ZNF568: variants seen among roughly 807,000 people sequenced by gnomAD.
The protein encoded by ZNF568 is p53 inhibitor of SCO2 activation.
A neutral mutation model predicts 18.1 loss-of-function variants in ZNF568; 11 were observed. That is an observed-to-expected ratio of 0.61 (90% CI 0.38 to 1.00). The LOEUF is 1.00. Ranked by LOEUF, ZNF568 falls within the 50% of genes least tolerant of loss-of-function variation. The pLI is 0.01. For synonymous variants in ZNF568, 213 were observed against 246.6 expected (o/e 0.86, Z 1.28); for missense variants, 639 against 768.2 (o/e 0.83, Z 1.99).
chr19:36,934,283 T>G (rs1031110366), intron 4 of ZNF568, among the ~76,000 whole-genome samples: 6 of 151,468 alleles, frequency 4.0e-5, no homozygotes, highest in African/African-American at 1.5e-4. Context: ...TGGATTTAGT[T>G]TGATCATCTT....
exon 5 of ZNF568, chr19:36,996,638 G>C: frequency 6.5e-7 from 1 of 1,535,352 alleles, no homozygotes; most frequent in South Asian, 1.2e-5. Context: ...CCTGAATGTG[G>C]AGAATGTAGG....
At position 36,950,700 on chromosome 19, in the gene ZNF568, A is replaced by G. The variant is rs1457746708; in HGVS notation, c.1547A>G (p.Asn516Ser). 6.2e-7 allele frequency: 1 copy of G among 1,613,838 alleles called. No individual in the cohort carries two copies. The highest frequency in any genetic ancestry group is 2.2e-5 in the East Asian group (1 of 44,852). ...GGAAAAGCCTTTAGTCAGAAATCAA[A>G]CCTCACTGAACATGAGAAAATTCAT... ...VCGKAFSQKS[N>S]LTEHEKIHTG... Residue 516 changes from asparagine (N) to serine (S), a missense_variant, in exon 7 of 7, where the codon AAC (asparagine) becomes AGC (serine). Transcript: ENST00000333987.
At chr19:36,921,631 A>T (rs1301231309) in intron 2 of ZNF568, among the ~76,000 whole-genome samples, 1 of 149,400 alleles carries the variant, frequency 6.7e-6, no homozygotes, top group African/African-American at 2.5e-5. Context: ...TGTTACATAT[A>T]TTTTTTTTTT....
intron 7 of ZNF568, among the ~76,000 whole-genome samples, chr19:36,975,088 A>C (rs1280002283): frequency 1.3e-5 from 2 of 150,930 alleles, no homozygotes; most frequent in Non-Finnish European, 2.9e-5. Context: ...CGGCCTCCCA[A>C]AGTGCTGGGA....
downstream of ZNF568, among the ~76,000 whole-genome samples, chr19:36,955,125 C>CT (rs1392211589): frequency 6.6e-6 from 1 of 151,744 alleles, no homozygotes; most frequent in African/African-American, 2.4e-5. Context: ...GCCTGTAAAC[C>CT]TTTTTTTAAA....
Position 36,949,950 on chromosome 19 carries a change from T to C in ZNF568, c.797T>C (p.Ile266Thr). The part of the protein sequence containing the change: ...GKAFSRKENL[I>T]THQKIHTGEK... ...GCCTTCAGTAGGAAGGAAAATCTTA[T>C]TACACATCAGAAAATTCATACTGGG... Residue 266 changes from isoleucine to threonine, a missense_variant, in exon 7 of 7, where the codon ATT becomes ACT. Transcript: ENST00000333987. The C allele has an allele frequency of 1.2e-6, 2 of 1,613,858 alleles. No individual in the cohort carries two copies. Among genetic ancestry groups the C allele is most frequent in the Non-Finnish European group, 1.7e-6 (2 of 1,179,944 alleles).
chr19:36,960,351 C>G (rs557996961), intron 6 of ZNF568, among the ~76,000 whole-genome samples: 1 of 152,012 alleles, frequency 6.6e-6, no homozygotes, highest in South Asian at 2.1e-4. Flanking sequence ...CTCCTGACCT[C>G]AGGTGATCCA....
intron 4 of ZNF568, among the ~76,000 whole-genome samples, chr19:36,993,989 A>C (rs1448017740): frequency 6.8e-6 from 1 of 146,336 alleles, no homozygotes; most frequent in African/African-American, 2.5e-5. Flanking sequence ...TAAGATATAC[A>C]GTTAGATTGT....
intron 6 of ZNF568, among the ~76,000 whole-genome samples, chr19:36,957,850 C>A (rs992598846): frequency 1.3e-4 from 20 of 152,262 alleles, no homozygotes; most frequent in Admixed American, 8.5e-4. Context: ...TATTTCAAGT[C>A]TCTTTACTAT....
At chr19:36,917,744 G>A (rs957240079) in intron 2 of ZNF568, 96 bp downstream of exon 2, 1 of 152,104 alleles carries the variant, frequency 6.6e-6, no homozygotes, top group Non-Finnish European at 1.5e-5. Context: ...TATAATAGTT[G>A]CACATATATC....
At chr19:36,972,455 C>T (rs1409447651) in intron 6 of ZNF568, among the ~76,000 whole-genome samples, 2 of 152,170 alleles carry the variant, frequency 1.3e-5, no homozygotes, top group Non-Finnish European at 2.9e-5. Flanking sequence ...GACTGCGCCC[C>T]TTCAGTCTCT....
intron 3 of ZNF568, among the ~76,000 whole-genome samples, chr19:36,924,385 A>G (rs2073511946): frequency 1.3e-5 from 2 of 151,606 alleles, no homozygotes; most frequent in South Asian, 2.1e-4. Context: ...CGCCCAGCGA[A>G]TTTTTGTATT....
chr19:36,957,443 G>C (rs187866687), downstream of ZNF568, among the ~76,000 whole-genome samples: 1 of 152,046 alleles, frequency 6.6e-6, no homozygotes, highest in Non-Finnish European at 1.5e-5. Context: ...TGTTGGCCAG[G>C]CTGGTCTTGA....
chr19:36,996,355 A>T lies in ZNF568; in HGVS notation c.268A>T (p.Lys90Ter), dbSNP rs1325951164. Residue 90 changes from lysine (K) to a stop codon, truncating the protein, a stop_gained, in exon 5 of 5, where the codon AAG (lysine) becomes TAG (stop). Transcript: ENST00000433993. LOFTEE classifies it low-confidence loss of function (END_TRUNC). The stretch of plus-strand genomic sequence containing the variant: ...AAGAGAAACCAAGAATTTATCTCCA[A>T]AGGAAAACATTTATGAAATTAGATC... The T allele has an allele frequency of 6.5e-7, 1 of 1,533,110 alleles. No homozygotes were observed. Among genetic ancestry groups the T allele is most frequent in the Admixed American group, 2.0e-5 (1 of 50,210 alleles). The allele number at this position is 1,533,110 out of a possible 1,614,324, so 95.0% of individuals were successfully genotyped here.
chr19:36,932,226 C>G (rs998606535), intron 4 of ZNF568, among the ~76,000 whole-genome samples: 4 of 152,142 alleles, frequency 2.6e-5, no homozygotes, highest in Non-Finnish European at 5.9e-5. Flanking sequence ...TTTCACTTCT[C>G]TGAAGTTTGT....
In ZNF568 at chr19:36,941,306, A is replaced by G. The variant is rs17842485; in HGVS notation, c.358+4064A>G. Among the ~76,000 whole-genome samples, 956 of 152,308 alleles carry G rather than the reference A, an allele frequency of 6.3e-3. 28 individuals are homozygous for G. Among genetic ancestry groups the G allele is most frequent in the East Asian group, 0.05 (259 of 5,178 alleles). Reference sequence around the variant, plus strand: ...GTGATGGTATGAAAGAAAAAAGTCAAAACACAATGGAATTTGATATAAAGG... The same window carrying G: ...GTGATGGTATGAAAGAAAAAAGTCAGAACACAATGGAATTTGATATAAAGG... On this transcript the variant is annotated intron_variant, in intron 6 of 6. Coordinates refer to ENST00000333987, the MANE Select transcript of ZNF568 (RefSeq NM_198539.4).
intron 4 of ZNF568, among the ~76,000 whole-genome samples, chr19:36,929,509 C>A (rs1009757650): frequency 6.6e-6 from 1 of 151,870 alleles, no homozygotes; most frequent in Non-Finnish European, 1.5e-5. Flanking sequence ...CATGGTGAAA[C>A]CCCGTTTCTA....
chr19:36,921,376 AC>A (rs2073452094), intron 2 of ZNF568, among the ~76,000 whole-genome samples: 2 of 151,934 alleles, frequency 1.3e-5, no homozygotes, highest in South Asian at 4.1e-4. Context: ...CAGGAGAATC[AC>A]TTAAACCCAG....
chr19:36,943,120 CAA>C (rs942578091), intron 6 of ZNF568, among the ~76,000 whole-genome samples: 30 of 152,298 alleles, frequency 2.0e-4, no homozygotes, highest in African/African-American at 7.0e-4. Flanking sequence ...AATGCAGATT[CAA>C]ATCTTTGGCA....
Sources: allele counts gnomAD v4.1 joint callset (sites outside exome capture counted in the v4.1 genomes callset), GRCh38; gene constraint gnomAD v4.1.1; transcripts MANE v1.5; gene names NCBI Gene and HGNC (gene_info 2026-07-23, HGNC 2026-07-21).